The following CPSF1 variants were observed in gnomAD, a reference collection of about 807,000 sequenced individuals.
CPSF1 encodes cleavage and polyadenylation specificity factor subunit 1.
CPSF1 carries 106 observed loss-of-function variants against 175.8 expected under a neutral mutation model. The ratio of observed to expected loss-of-function variants is 0.60; its 90% CI spans 0.52 to 0.71. CPSF1 has a LOEUF of 0.71. CPSF1 is among the 30% of genes least tolerant of loss of function. The probability of loss-of-function intolerance (pLI) is 0.00; values close to 1 mark genes in which losing one functional copy is unlikely to be tolerated. For missense variants in CPSF1, 1,734 were observed against 2,022.9 expected, an observed-to-expected ratio of 0.86 and a Z score of 2.74; for synonymous variants, 1,024 against 858.3, an observed-to-expected ratio of 1.19 and a Z score of -3.37.
intron 2 of CPSF1, among the ~76,000 whole-genome samples, chr8:144,406,512 G>A (rs2116905450): frequency 6.6e-6 from 1 of 152,184 alleles, no homozygotes; most frequent in Non-Finnish European, 1.5e-5. Flanking sequence ...ATCTCTCAAT[G>A]TTGGGGTGCC....
At chr8:144,402,764 T>TA (rs1373554586) in intron 2 of CPSF1, among the ~76,000 whole-genome samples, 23 of 148,474 alleles carry the variant, frequency 1.5e-4, no homozygotes, top group African/African-American at 3.7e-4. Flanking sequence ...ATGACACACT[T>TA]AAAAAAAAAA....
intron 2 of CPSF1, among the ~76,000 whole-genome samples, chr8:144,407,414 G>A (rs1195708421): frequency 2.0e-5 from 3 of 152,118 alleles, no homozygotes; most frequent in African/African-American, 7.2e-5. Context: ...AAGCACAGTG[G>A]TGCACTCCTG....
chr8:144,400,135 G>GGGCCCCCCCCCCCCCCCCCCCC (rs1821085595), intron 9 of CPSF1, 31 bp downstream of exon 9: 109 of 896,650 alleles, frequency 1.2e-4, no homozygotes, highest in Middle Eastern at 3.7e-4. Flanking sequence ...CCGTCCCCGG[G>GGGCCCCCCCCCCCCCCCCCCCC]CCCCCCCCGC....
chr8:144,393,294 C>T lies in CPSF1; in HGVS notation c.*24G>A. 1 of 1,481,690 alleles carries T rather than the reference C, an allele frequency of 6.7e-7. No individual in the cohort carries two copies. Among genetic ancestry groups the T allele is most frequent in the Non-Finnish European group, 9.0e-7 (1 of 1,109,668 alleles). 91.8% of individuals were successfully genotyped at this position (1,481,690 alleles called of 1,614,324 possible). ...AGGGGGTGGGAGGTAGTTCCGTGTG[C>T]TGGTGGTGACGGCATCCACGGGGCT... On this transcript the variant is annotated 3_prime_UTR_variant, in exon 38 of 38. Coordinates refer to ENST00000616140, the MANE Select transcript of CPSF1 (RefSeq NM_013291.3).
At position 144,398,872 on chromosome 8, in the gene CPSF1, G is replaced by A. The variant is rs782509596; in HGVS notation, c.1549-4C>T. On this transcript the variant is annotated splice_region_variant and splice_polypyrimidine_tract_variant and intron_variant, in intron 16 of 37. Transcript: ENST00000616140. The stretch of plus-strand genomic sequence containing the variant: ...CCACCTGGGGCCGGATGCTCTTCTA[G>A]AATGATGATGGGGTGGGGGTGTGAT... The A allele has an allele frequency of 1.1e-5, 17 of 1,610,770 alleles. No homozygotes were observed. Among genetic ancestry groups the A allele is most frequent in the East Asian group, 4.5e-5 (2 of 44,774 alleles).
intron 25 of CPSF1, 28 bp from the exon 26 acceptor site, chr8:144,396,528 T>TGGATGAGGATGCTGC (rs781883860): frequency 1.2e-6 from 2 of 1,610,100 alleles, no homozygotes; most frequent in Non-Finnish European, 1.7e-6. Flanking sequence ...GAGGATGCTG[T>TGGATGAGGATGCTGC]GGATGAGGAT....
Position 144,395,530 on chromosome 8 carries a change from G to A in CPSF1, c.3001C>T (p.Leu1001=). 1 of 1,447,932 alleles carries A rather than the reference G, an allele frequency of 6.9e-7. No individual in the cohort carries two copies. 89.7% of individuals were successfully genotyped at this position (1,447,932 alleles called of 1,614,324 possible). A position where few individuals can be genotyped will look rare whatever the true frequency, so the allele number is the denominator to read the frequency against. The change falls in exon 27 of 38, where the codon CTG becomes TTG. Residue 1001 remains leucine (L), a synonymous_variant. Coordinates refer to ENST00000616140, the MANE Select transcript of CPSF1 (RefSeq NM_013291.3). ...NRQGELRISV[L]PAYLSYDAPW... ...GCATCATAGGACAGGTAGGCAGGCAGGACACTGATCCTCAGCTCGCCCTGG... is the reference window on the plus strand; with the variant it reads ...GCATCATAGGACAGGTAGGCAGGCAAGACACTGATCCTCAGCTCGCCCTGG...
rs2116886636 is a variant in CPSF1, at chr8:144,401,679, G to A, written c.145-6C>T. ...CTGTCATTCTTGGTCAGAGCCTGGA[G>A]GGGAGAGAAAGACAGGGCAGTGAGG... On this transcript the variant is annotated splice_polypyrimidine_tract_variant and splice_region_variant and intron_variant, in intron 2 of 37. Coordinates refer to ENST00000616140, the MANE Select transcript of CPSF1 (RefSeq NM_013291.3). 3 of 1,606,178 alleles carry A rather than the reference G, an allele frequency of 1.9e-6. No individual in the cohort carries two copies. Among genetic ancestry groups the A allele is most frequent in the Admixed American group, 1.7e-5 (1 of 58,850 alleles).
chr8:144,404,669 C>T (rs1821399542), intron 2 of CPSF1, among the ~76,000 whole-genome samples: 1 of 151,710 alleles, frequency 6.6e-6, no homozygotes, highest in Non-Finnish European at 1.5e-5. Flanking sequence ...TGCGCCCGGC[C>T]ACCACTCAGA....
Position 144,400,774 on chromosome 8 carries a change from C to T in CPSF1, c.583G>A (p.Ala195Thr). The part of the protein sequence containing the change: ...FLPSYIIDVR[A>T]LDEKLLNIID... ...ATGTTGAGCAGCTTCTCGTCTAGGG[C>T]CCGCACGTCGATGATGTAGCTGGGC... is the stretch of plus-strand genomic sequence containing the variant. The change falls in exon 7 of 38, where the codon GCC becomes ACC. Residue 195 changes from alanine (A) to threonine (T), a missense_variant. Ala to Thr is a moderately conservative substitution (Grantham distance 58, BLOSUM62 0). Around this residue, in one of 10 missense-constraint regions of CPSF1, gnomAD observed 122 missense variants for 177.2 expected, o/e 0.69. Transcript: ENST00000616140. 6.2e-7 allele frequency: 1 copy of T among 1,613,834 alleles called. No individual in the cohort carries two copies. Among genetic ancestry groups the T allele is most frequent in the Non-Finnish European group, 8.5e-7 (1 of 1,179,954 alleles).
chr8:144,409,219 G>A, intron 1 of CPSF1, 47 bp from the exon 2 acceptor site: 3 of 1,455,716 alleles, frequency 2.1e-6, no homozygotes, highest in South Asian at 1.4e-5. Flanking sequence ...GCCCACGCAG[G>A]AGCCCGGCCC....
intron 18 of CPSF1, 36 bp downstream of exon 18, chr8:144,398,489 A>AACCCCAG: frequency 7.5e-7 from 1 of 1,341,584 alleles, no homozygotes; most frequent in South Asian, 1.4e-5. Flanking sequence ...AGGGGACCCC[A>AACCCCAG]GCCCCAGGTC....
rs2116873970 is a variant in CPSF1, at chr8:144,400,257, G to A, written c.846C>T (p.Ala282=). 2.0e-5 allele frequency: 32 copies of A among 1,598,444 alleles called. No homozygotes were observed. Among genetic ancestry groups the A allele is most frequent in the African/African-American group, 9.4e-5 (7 of 74,546 alleles). ...GGTTCAGGTACAACAGCGAGTTGAC[G>A]GCAAACACCACCACCCCACCTGGAG... ...PKPIGGVVVF[A]VNSLLYLNQS... Residue 282 remains alanine, a synonymous_variant, in exon 9 of 38, where the codon GCC becomes GCT. Coordinates refer to ENST00000616140, the MANE Select transcript of CPSF1 (RefSeq NM_013291.3).
chr8:144,395,989 G>A (rs1820696990), intron 26 of CPSF1: 1 of 398,722 alleles, frequency 2.5e-6, no homozygotes, highest in Non-Finnish European at 4.6e-6. Flanking sequence ...TAGGGAACCA[G>A]GATGAGAAAG....
chr8:144,395,353 C>A lies in CPSF1; in HGVS notation c.3099G>T (p.Val1033=). The A allele has an allele frequency of 6.2e-7, 1 of 1,613,260 alleles. No homozygotes were observed. The highest frequency in any genetic ancestry group is 8.5e-7 in the Non-Finnish European group (1 of 1,179,906). Residue 1033 remains valine (V), a splice_region_variant and synonymous_variant, in exon 28 of 38, where the codon GTG becomes GTT. Transcript: ENST00000616140. ...HYVAYHVESK[V]YAVATSTNTP... ...TGTTGGTGCTGGTGGCCACAGCATA[C>A]ACCTGTGGGTTAGTGAGGGTCACAC...
At chr8:144,406,833 T>C (rs1013126718) in intron 2 of CPSF1, among the ~76,000 whole-genome samples, 12 of 152,202 alleles carry the variant, frequency 7.9e-5, no homozygotes, top group African/African-American at 2.9e-4. Flanking sequence ...CTGCAGTGAA[T>C]GCTGGGAGGT....
rs1564683635 is a variant in CPSF1, at chr8:144,394,372, G to A, written c.3744+7C>T. On this transcript the variant is annotated splice_region_variant and intron_variant, in intron 32 of 37. Transcript: ENST00000616140. ...CCCAGACACGAGCACCGCCGCCACA[G>A]GTGTACCCGCGACACCAGGCTCAGC... 2 of 1,601,208 alleles carry A rather than the reference G, an allele frequency of 1.2e-6. No homozygotes were observed. The highest frequency in any genetic ancestry group is 1.7e-6 in the Non-Finnish European group (2 of 1,172,676).
chr8:144,394,407 TC>T lies in CPSF1; in HGVS notation c.3715del (p.Glu1239LysfsTer5), dbSNP rs1554862746. On this transcript the variant is annotated frameshift_variant, in exon 32 of 38. Transcript: ENST00000616140. LOFTEE classifies it high-confidence loss of function. ...CGACACCAGGCTCAGCGTCTTGCTT[TC>T]CTCCTGGTAGCGCAGCAGCGAAATG... is the stretch of plus-strand genomic sequence containing the variant. ...KSISLLRYQE[E>X]SKTLSLVSRD... The T allele has an allele frequency of 1.2e-6, 2 of 1,609,462 alleles. No homozygotes were observed. The highest frequency in any genetic ancestry group is 1.7e-6 in the Non-Finnish European group (2 of 1,178,440).
chr8:144,407,140 CATGACCTCAG>C (rs1467612816), intron 2 of CPSF1, among the ~76,000 whole-genome samples: 4 of 151,966 alleles, frequency 2.6e-5, no homozygotes, highest in African/African-American at 9.7e-5. Context: ...GTCTCGAACC[CATGACCTCAG>C]GTGATCTACT....
Sources: allele counts gnomAD v4.1 joint callset (sites outside exome capture counted in the v4.1 genomes callset), GRCh38; gene constraint gnomAD v4.1.1; regional missense constraint gnomAD v4.1.1; transcripts MANE v1.5; gene names NCBI Gene and HGNC (gene_info 2026-07-23, HGNC 2026-07-21).